NMNAT2: variants seen among roughly 807,000 people sequenced by gnomAD.
The protein encoded by NMNAT2 is nicotinamide/nicotinic acid mononucleotide adenylyltransferase 2.
Under a neutral mutation model 41.6 loss-of-function variants are expected in NMNAT2, and 11 were observed. That is an observed-to-expected ratio of 0.26 (90% CI 0.17 to 0.44). NMNAT2 has a LOEUF of 0.44. Among genes scored for constraint, NMNAT2 ranks in the 20% least tolerant of loss-of-function variants. The pLI, the probability that NMNAT2 is intolerant of heterozygous loss-of-function variation, is 1.00. For synonymous variants in NMNAT2, 148 were observed against 151.2 expected, an observed-to-expected ratio of 0.98 and a Z score of 0.16; for missense variants, 288 against 407.7, an observed-to-expected ratio of 0.71 and a Z score of 2.53.
chr1:183,306,523 C>T lies in NMNAT2; in HGVS notation c.86-12730G>A, dbSNP rs1367551564. The stretch of plus-strand genomic sequence containing the variant: ...ATGCCCAATGAACCACTGAACCACT[C>T]ATGCACTGAACCAAAGAAGCTCAAT... On this transcript the variant is annotated intron_variant, in intron 1 of 10. Coordinates refer to ENST00000287713, the MANE Select transcript of NMNAT2 (RefSeq NM_015039.4). 2.0e-5 allele frequency among the ~76,000 whole-genome samples: 3 copies of T among 152,184 alleles called. No homozygotes were observed. The East Asian group carries it at 5.8e-4, about 29-fold the overall frequency.
At chr1:183,275,662 C>A (rs749706158) in intron 8 of NMNAT2, among the ~76,000 whole-genome samples, 2 of 81,052 alleles carry the variant, frequency 2.5e-5, no homozygotes, top group African/African-American at 4.4e-5. Context: ...AGGATATGAG[C>A]ATTTCCGTAT....
intron 1 of NMNAT2, among the ~76,000 whole-genome samples, chr1:183,362,154 G>A (rs1663320123): frequency 6.6e-6 from 1 of 152,000 alleles, no homozygotes; most frequent in Non-Finnish European, 1.5e-5. Flanking sequence ...GGCCAGGCTG[G>A]TCTCTAACTC....
intron 8 of NMNAT2, among the ~76,000 whole-genome samples, chr1:183,275,087 A>G (rs1169455381): frequency 6.6e-6 from 1 of 152,112 alleles, no homozygotes; most frequent in Non-Finnish European, 1.5e-5. Flanking sequence ...AGGGACCACA[A>G]AGGCTTGGAC....
intron 1 of NMNAT2, among the ~76,000 whole-genome samples, chr1:183,321,460 G>A (rs1477917687): frequency 1.3e-5 from 2 of 152,184 alleles, no homozygotes; most frequent in Non-Finnish European, 2.9e-5. Context: ...GAAATATTTG[G>A]CCAGGCGCGG....
intron 1 of NMNAT2, among the ~76,000 whole-genome samples, chr1:183,303,928 G>T (rs1197101072): frequency 1.3e-5 from 2 of 152,234 alleles, no homozygotes; most frequent in Non-Finnish European, 2.9e-5. Flanking sequence ...CCTCCAGCCA[G>T]TCAGCCATGC....
intron 1 of NMNAT2, among the ~76,000 whole-genome samples, chr1:183,344,761 G>A (rs549579824): frequency 9.2e-5 from 14 of 152,266 alleles, no homozygotes; most frequent in Admixed American, 2.6e-4. Flanking sequence ...CACGAAGTAC[G>A]AGGCATTTAA....
At chr1:183,340,321 C>CTT (rs34610627) in intron 1 of NMNAT2, among the ~76,000 whole-genome samples, 5 of 114,784 alleles carry the variant, frequency 4.4e-5, no homozygotes, top group Admixed American at 8.7e-5. Flanking sequence ...CCTGGGTTAG[C>CTT]TTTTTTTTTT....
intron 8 of NMNAT2, among the ~76,000 whole-genome samples, chr1:183,262,986 C>T (rs1229866927): frequency 6.6e-6 from 1 of 152,212 alleles, no homozygotes; most frequent in Non-Finnish European, 1.5e-5. Context: ...ACGGTGGCCC[C>T]TTCTCTCCAG....
Position 183,283,983 on chromosome 1 carries a change from A to G in NMNAT2, c.574+12T>C. 1 of 1,613,880 alleles carries G rather than the reference A, an allele frequency of 6.2e-7. No homozygotes were observed. ...ATGTCCCCATTTTCCGCACTTTCGC[A>G]GTCCCACTCACCAATCTCTTCATAC... is the stretch of plus-strand genomic sequence containing the variant. On this transcript the variant is annotated intron_variant, in intron 7 of 10. Coordinates refer to ENST00000287713, the MANE Select transcript of NMNAT2 (RefSeq NM_015039.4).
chr1:183,396,706 C>T (rs1468516365), intron 1 of NMNAT2, among the ~76,000 whole-genome samples: 3 of 152,150 alleles, frequency 2.0e-5, no homozygotes, highest in Admixed American at 6.5e-5. Context: ...TCAAACTGCA[C>T]ATTTGATCTC....
intron 1 of NMNAT2, among the ~76,000 whole-genome samples, chr1:183,303,904 T>C (rs1054535562): frequency 2.6e-5 from 4 of 152,190 alleles, no homozygotes; most frequent in Non-Finnish European, 5.9e-5. Context: ...CAGGGAGCAA[T>C]TTTCCTTGCT....
intron 7 of NMNAT2, among the ~76,000 whole-genome samples, chr1:183,281,384 GC>G (rs1345779200): frequency 1.3e-5 from 2 of 152,220 alleles, no homozygotes; most frequent in South Asian, 2.1e-4. Context: ...GCACAGGGAA[GC>G]CCCCCTCCCC....
intron 1 of NMNAT2, among the ~76,000 whole-genome samples, chr1:183,379,740 T>C (rs1386178163): frequency 6.6e-6 from 1 of 152,170 alleles, no homozygotes; most frequent in East Asian, 1.9e-4. Context: ...CTATCCATAA[T>C]TGGTAACAGT....
At chr1:183,321,603 A>G (rs572134255) in intron 1 of NMNAT2, among the ~76,000 whole-genome samples, 1 of 152,174 alleles carries the variant, frequency 6.6e-6, no homozygotes, top group Non-Finnish European at 1.5e-5. Context: ...TTAGCTGGGT[A>G]TGGTGGCATG....
intron 1 of NMNAT2, among the ~76,000 whole-genome samples, chr1:183,411,041 C>G (rs930926544): frequency 4.6e-5 from 7 of 152,116 alleles, no homozygotes; most frequent in South Asian, 4.1e-4. Flanking sequence ...TCTATTCTGT[C>G]CACTTGGCAG....
At chr1:183,369,343 C>A (rs1158583891) in intron 1 of NMNAT2, among the ~76,000 whole-genome samples, 1 of 148,478 alleles carries the variant, frequency 6.7e-6, no homozygotes, top group African/African-American at 2.5e-5. Context: ...GTGGCGTGAT[C>A]TCGGCTCACT....
chr1:183,401,085 G>A (rs950674689), intron 1 of NMNAT2, among the ~76,000 whole-genome samples: 2 of 152,136 alleles, frequency 1.3e-5, no homozygotes, highest in African/African-American at 2.4e-5. Context: ...AAACTCAAGA[G>A]CTTCTGCACA....
At position 183,285,795 on chromosome 1, in the gene NMNAT2, T is replaced by C. The variant is rs1199830438; in HGVS notation, c.448+867A>G. The stretch of plus-strand genomic sequence containing the variant: ...ATTTGAAATGAGAACATAATGTCTA[T>C]ATCACAGTATTACTGCATTAAATAA... On this transcript the variant is annotated intron_variant, in intron 5 of 10. Coordinates refer to ENST00000287713, the MANE Select transcript of NMNAT2 (RefSeq NM_015039.4). 1.3e-5 allele frequency among the ~76,000 whole-genome samples: 2 copies of C among 152,228 alleles called. 1 individual carries two copies. The highest frequency in any genetic ancestry group is 2.9e-5 in the Non-Finnish European group (2 of 68,042).
intron 1 of NMNAT2, among the ~76,000 whole-genome samples, chr1:183,349,290 G>A (rs1202558514): frequency 6.6e-6 from 1 of 152,198 alleles, no homozygotes; most frequent in Non-Finnish European, 1.5e-5. Context: ...AGCTGCCTCC[G>A]CTCTTTCAGG....
Sources: gnomAD v4.1 joint callset for allele counts (sites outside exome capture counted in the v4.1 genomes callset) on GRCh38, gnomAD v4.1.1 for gene constraint, MANE v1.5 for transcripts, NCBI Gene and HGNC (gene_info 2026-07-23, HGNC 2026-07-21) for gene names.